Variants in COL5A2 observed in about 807,000 individuals in gnomAD.
The protein encoded by COL5A2 is collagen alpha-2(V) chain.
In COL5A2, 23 loss-of-function variants were observed where a neutral mutation model predicts 208.2. The ratio of observed to expected loss-of-function variants is 0.11; its 90% CI spans 0.08 to 0.16. The LOEUF is 0.16. COL5A2 is among the 10% of genes least tolerant of loss of function. COL5A2 has a pLI of 1.00. For synonymous variants in COL5A2, 625 were observed against 628.5 expected (o/e 0.99, Z 0.08); for missense variants, 1,590 against 1,956.4 (o/e 0.81, Z 3.53).
chr2:189,109,778 C>T (rs1017306322), intron 2 of COL5A2, among the ~76,000 whole-genome samples: 1 of 152,172 alleles, frequency 6.6e-6, no homozygotes, highest in African/African-American at 2.4e-5. Flanking sequence ...CAATGTAATA[C>T]AGGGTGCTGT....
At chr2:189,226,719 G>A (rs139684441), upstream of COL5A2, among the ~76,000 whole-genome samples, 3 of 152,152 alleles carry the variant, frequency 2.0e-5, no homozygotes, top group East Asian at 1.9e-4. Context: ...CCACAGTATC[G>A]CAGACAGAGG....
chr2:189,043,113 A>C, intron 48 of COL5A2, 38 bp downstream of exon 48: 1 of 1,467,910 alleles, frequency 6.8e-7, no homozygotes, highest in Non-Finnish European at 9.5e-7. Flanking sequence ...GTGTATTTTC[A>C]ACTACAGGGC....
At chr2:189,434,617 A>T in the COL5A2 span, among the ~76,000 whole-genome samples, 4 of 152,316 alleles carry the variant, frequency 2.6e-5, no homozygotes, top group East Asian at 1.9e-4. Flanking sequence ...TCCAACTTAC[A>T]AGGGATGTGA....
intron 1 of COL5A2, among the ~76,000 whole-genome samples, chr2:189,148,536 C>A (rs1468176595): frequency 6.6e-6 from 1 of 151,894 alleles, no homozygotes; most frequent in Non-Finnish European, 1.5e-5. Context: ...TGAATTGAGA[C>A]TTAAAAGATG....
intron 1 of COL5A2, among the ~76,000 whole-genome samples, chr2:189,131,546 A>G (rs1382260318): frequency 6.6e-6 from 1 of 152,160 alleles, no homozygotes; most frequent in Non-Finnish European, 1.5e-5. Flanking sequence ...TTTAGGGTCC[A>G]AGGTTTACTT....
the COL5A2 span, among the ~76,000 whole-genome samples, chr2:189,263,492 A>G: frequency 6.6e-6 from 1 of 152,132 alleles, no homozygotes; most frequent in Admixed American, 6.6e-5. Flanking sequence ...ACATTGTGGT[A>G]CAACTCATTA....
the COL5A2 span, among the ~76,000 whole-genome samples, chr2:189,310,965 A>G: frequency 6.6e-6 from 1 of 152,166 alleles, no homozygotes; most frequent in East Asian, 1.9e-4. Context: ...GGGGATGTTT[A>G]ATGAGTACAA....
chr2:189,081,749 G>C (rs1361057272), intron 12 of COL5A2, among the ~76,000 whole-genome samples: 1 of 152,092 alleles, frequency 6.6e-6, no homozygotes, highest in Non-Finnish European at 1.5e-5. Flanking sequence ...ATTCTATGTA[G>C]CTTTCACCTA....
chr2:189,438,150 A>G, the COL5A2 span, among the ~76,000 whole-genome samples: 1 of 151,922 alleles, frequency 6.6e-6, no homozygotes, highest in Non-Finnish European at 1.5e-5. Context: ...AATTAAAACC[A>G]CAATGAAATA....
At chr2:189,300,836 C>T in the COL5A2 span, among the ~76,000 whole-genome samples, 2 of 152,164 alleles carry the variant, frequency 1.3e-5, no homozygotes, top group African/African-American at 4.8e-5. Flanking sequence ...AAAGACTTTC[C>T]TTAAAGGAAA....
the COL5A2 span, among the ~76,000 whole-genome samples, chr2:189,427,738 A>G: frequency 6.6e-6 from 1 of 152,182 alleles, no homozygotes; most frequent in Non-Finnish European, 1.5e-5. Flanking sequence ...ATTATTTTGG[A>G]GCTTTAAGAT....
the COL5A2 span, among the ~76,000 whole-genome samples, chr2:189,348,367 T>C: frequency 0.035 from 5,374 of 152,092 alleles, 112 homozygotes; most frequent in Admixed American, 0.05. Flanking sequence ...AAATGGCAAA[T>C]TATATGAATC....
At chr2:189,045,398 A>C (rs1391735170) in intron 46 of COL5A2, among the ~76,000 whole-genome samples, 166 bp from the exon 47 acceptor site, 1 of 152,028 alleles carries the variant, frequency 6.6e-6, no homozygotes, top group African/African-American at 2.4e-5. Flanking sequence ...GAAATCAGGC[A>C]AATGTCCATG....
chr2:189,113,587 T>G (rs953836634), intron 1 of COL5A2, among the ~76,000 whole-genome samples: 1 of 149,172 alleles, frequency 6.7e-6, no homozygotes, highest in Admixed American at 6.7e-5. Context: ...ATTTGTTATA[T>G]AATAGATGAA....
Position 189,051,413 on chromosome 2 carries a change from G to T in COL5A2, c.2838C>A (p.Asp946Glu). 2 of 1,613,918 alleles carry T rather than the reference G, an allele frequency of 1.2e-6. No individual in the cohort carries two copies. The highest frequency in any genetic ancestry group is 1.7e-6 in the Non-Finnish European group (2 of 1,179,864). ...CTCCCACACGCCCATGAGAGCCAGG[G>T]TCCCCACGAAGACCTGGAGGTCCCT... ...GKEGPPGLRG[D>E]PGSHGRVGDR... The change falls in exon 42 of 54, where the codon GAC becomes GAA. Residue 946 changes from aspartate to glutamate, a missense_variant. Coordinates refer to ENST00000374866, the MANE Select transcript of COL5A2 (RefSeq NM_000393.5).
the COL5A2 span, among the ~76,000 whole-genome samples, chr2:189,335,337 T>C: frequency 4.6e-5 from 7 of 152,006 alleles, no homozygotes; most frequent in Admixed American, 2.6e-4. Context: ...TATTGAGAAA[T>C]TGGAAACCTC....
chr2:189,158,843 G>T (rs1215943151), intron 1 of COL5A2, among the ~76,000 whole-genome samples: 1 of 151,878 alleles, frequency 6.6e-6, no homozygotes, highest in Non-Finnish European at 1.5e-5. Context: ...TTTTTGTTTG[G>T]TGCTTATATA....
the COL5A2 span, among the ~76,000 whole-genome samples, chr2:189,332,693 T>A: frequency 1.3e-5 from 2 of 152,224 alleles, no homozygotes; most frequent in African/African-American, 2.4e-5. Flanking sequence ...CCCAGCCACA[T>A]GAAACTGTAA....
intron 1 of COL5A2, among the ~76,000 whole-genome samples, chr2:189,213,039 T>G (rs1416833179): frequency 6.6e-6 from 1 of 151,758 alleles, no homozygotes; most frequent in African/African-American, 2.4e-5. Context: ...CAGGCGCATG[T>G]CACCATGACT....
Sources: gnomAD v4.1 joint callset for allele counts (sites outside exome capture counted in the v4.1 genomes callset) on GRCh38, gnomAD v4.1.1 for gene constraint, MANE v1.5 for transcripts, NCBI Gene and HGNC (gene_info 2026-07-23, HGNC 2026-07-21) for gene names.